HSPA14: variants seen among roughly 807,000 people sequenced by gnomAD.
The protein encoded by HSPA14 is heat shock 70 kDa protein 14.
In HSPA14, 37 loss-of-function variants were observed where a neutral mutation model predicts 65.5. The observed-to-expected ratio is 0.56, with a 90% CI of 0.43 to 0.74. HSPA14 has a LOEUF of 0.74. Among genes scored for constraint, HSPA14 ranks in the 30% least tolerant of loss-of-function variants. The probability of loss-of-function intolerance (pLI) is 0.00; values close to 1 mark genes in which losing one functional copy is unlikely to be tolerated. For synonymous variants in HSPA14, 203 were observed against 214.2 expected, an observed-to-expected ratio of 0.95 and a Z score of 0.46; for missense variants, 564 against 607.6, an observed-to-expected ratio of 0.93 and a Z score of 0.75.
chr10:14,855,501 G>T (rs972407055), intron 9 of HSPA14, among the ~76,000 whole-genome samples: 4 of 152,278 alleles, frequency 2.6e-5, no homozygotes, highest in South Asian at 4.1e-4. Flanking sequence ...TAGGTTTATT[G>T]TTGGGAATGC....
At chr10:14,864,131 T>C (rs888591258) in intron 10 of HSPA14, among the ~76,000 whole-genome samples, 1 of 151,036 alleles carries the variant, frequency 6.6e-6, no homozygotes, top group African/African-American at 2.4e-5. Context: ...AGCAGGAGGA[T>C]CACTGGAGCA....
At position 14,849,644 on chromosome 10, in the gene HSPA14, C is replaced by T. The variant is rs566814428; in HGVS notation, c.377-77C>T. 10 of 1,157,634 alleles carry T rather than the reference C, an allele frequency of 8.6e-6. No homozygotes were observed. In the South Asian group the frequency reaches 1.3e-4, roughly 15 times the overall value. 71.7% of individuals were successfully genotyped at this position (1,157,634 alleles called of 1,614,324 possible). A position where few individuals can be genotyped will look rare whatever the true frequency, so the allele number is the denominator to read the frequency against. On this transcript the variant is annotated intron_variant, in intron 5 of 13. Transcript: ENST00000378372. Reference sequence around the variant, plus strand: ...GAAATATGTTAAGTGAGATCTTTGTCATAAATTAATAAACCTCAGAAAGTA... The same window carrying T: ...GAAATATGTTAAGTGAGATCTTTGTTATAAATTAATAAACCTCAGAAAGTA...
Position 14,842,886 on chromosome 10 carries a change from TTGTGGCTCTAAACATTTAGC to T in HSPA14, c.221+2734_221+2753del. ...TGTGAAGGAGTTGGGTCCCAGAGTC[TTGTGGCTCTAAACATTTAGC>T]TGTGTCTGTTTGGATAGTGTCCTCT... On this transcript the variant is annotated intron_variant, in intron 3 of 13. Coordinates refer to ENST00000378372, the MANE Select transcript of HSPA14 (RefSeq NM_016299.4). This position sits in a 1 kb window ranked among gnomAD's most constrained non-coding sequence, Gnocchi z 5.2. 5 of 1,362,108 alleles carry T rather than the reference TTGTGGCTCTAAACATTTAGC, an allele frequency of 3.7e-6. No homozygotes were observed. The South Asian group carries it at 6.9e-5, about 19-fold the overall frequency. 84.4% of individuals were successfully genotyped at this position (1,362,108 alleles called of 1,614,324 possible). A position where few individuals can be genotyped will look rare whatever the true frequency, so the allele number is the denominator to read the frequency against.
chr10:14,864,595 C>G (rs1258495761), intron 10 of HSPA14, among the ~76,000 whole-genome samples: 8 of 150,548 alleles, frequency 5.3e-5, no homozygotes. Flanking sequence ...GGTTTTTTGT[C>G]CTTGCGATAG....
intron 10 of HSPA14, among the ~76,000 whole-genome samples, chr10:14,861,489 T>C (rs1306292126): frequency 6.6e-6 from 1 of 152,052 alleles, no homozygotes; most frequent in Non-Finnish European, 1.5e-5. Flanking sequence ...TTTTGTATTT[T>C]TTGTAGAGAT....
chr10:14,861,239 GTGC>G (rs1832747808), intron 10 of HSPA14, among the ~76,000 whole-genome samples: 1 of 152,168 alleles, frequency 6.6e-6, no homozygotes, highest in Non-Finnish European at 1.5e-5. Context: ...GTGGTTGAGG[GTGC>G]TGGGAGAAGA....
Position 14,847,059 on chromosome 10 carries a change from CTGCTT to C in HSPA14, c.222-1543_222-1539del, listed in dbSNP as rs563560883. 1.5e-4 allele frequency: 149 copies of C among 984,852 alleles called. 1 individual carries two copies. In the South Asian group the frequency reaches 6.2e-3, roughly 41 times the overall value. 61.0% of individuals were successfully genotyped at this position (984,852 alleles called of 1,614,324 possible). ...TGTGGTCCTTTGTTGCCTCCATTCT[CTGCTT>C]TGCTTTCTCCTCTGCTAAGGGTCTT... On this transcript the variant is annotated intron_variant, in intron 3 of 13. Transcript: ENST00000378372.
At chr10:14,849,567 G>A (rs1294294992) in intron 5 of HSPA14, 154 bp from the exon 6 acceptor site, 2 of 704,184 alleles carry the variant, frequency 2.8e-6, no homozygotes, top group East Asian at 2.8e-5. Context: ...TGATTTCAGA[G>A]CGCAGAGAAG....
At position 14,842,325 on chromosome 10, in the gene HSPA14, G is replaced by T; in HGVS notation, c.221+2168G>T. The T allele has an allele frequency of 6.5e-7, 1 of 1,536,046 alleles. No homozygotes were observed. The highest frequency in any genetic ancestry group is 8.7e-7 in the Non-Finnish European group (1 of 1,146,894). On this transcript the variant is annotated intron_variant, in intron 3 of 13. Coordinates refer to ENST00000378372, the MANE Select transcript of HSPA14 (RefSeq NM_016299.4). The surrounding 1 kb of genome is among the most constrained non-coding windows in gnomAD (Gnocchi z 5.2). ...AGCAGTGCGGGCATCCGGTGGTCCA[G>T]ACAGGAGACACGAACTCTTCTCTCC...
At chr10:14,870,531 AATTGATAC>A in intron 12 of HSPA14, 58 bp from the exon 13 acceptor site, 3 of 1,516,048 alleles carry the variant, frequency 2.0e-6, no homozygotes, top group Non-Finnish European at 2.7e-6. Context: ...CCTTTGCAAT[AATTGATAC>A]ATCAGTTCAT....
chr10:14,864,232 GA>G (rs1228351277), intron 10 of HSPA14, among the ~76,000 whole-genome samples: 4,594 of 102,638 alleles, frequency 0.045, 261 homozygotes, highest in African/African-American at 0.15. Flanking sequence ...TCTGTCTCCG[GA>G]AAAAAAAAAA....
In HSPA14 at chr10:14,867,136, A is replaced by C; in HGVS notation, c.1047A>C (p.Lys349Asn). The change falls in exon 11 of 14, where the codon AAA (lysine) becomes AAC (asparagine). Residue 349 changes from lysine (K) to asparagine (N), a missense_variant. Coordinates refer to ENST00000378372, the MANE Select transcript of HSPA14 (RefSeq NM_016299.4). ...TCCCAAAGCTACAGCAACTGATTAAAGATCTTTTCCCAGCTGTTGAGCTTC... is the reference window on the plus strand; with the variant it reads ...TCCCAAAGCTACAGCAACTGATTAACGATCTTTTCCCAGCTGTTGAGCTTC... ...SRIPKLQQLI[K>N]DLFPAVELLN... is the part of the protein sequence containing the mutation. 1 of 1,613,832 alleles carries C rather than the reference A, an allele frequency of 6.2e-7. No homozygotes were observed. The highest frequency in any genetic ancestry group is 8.5e-7 in the Non-Finnish European group (1 of 1,179,824).
chr10:14,852,255 T>G, intron 7 of HSPA14, 115 bp from the exon 8 acceptor site: 8 of 825,584 alleles, frequency 9.7e-6, no homozygotes, highest in Non-Finnish European at 1.5e-5. Flanking sequence ...GTTATTCACC[T>G]GAGATTTTCT....
chr10:14,849,898 A>G, intron 6 of HSPA14, 87 bp downstream of exon 6: 2 of 744,500 alleles, frequency 2.7e-6, no homozygotes, highest in South Asian at 3.4e-5. Flanking sequence ...ATTTTAAAGT[A>G]CCTTAGGCGA....
chr10:14,869,434 C>A (rs923606616), intron 12 of HSPA14, among the ~76,000 whole-genome samples: 1 of 151,748 alleles, frequency 6.6e-6, no homozygotes, highest in African/African-American at 2.4e-5. Flanking sequence ...GTAGCTGGGA[C>A]TACAGGCATG....
Position 14,844,635 on chromosome 10 carries a change from A to G in HSPA14, c.222-3974A>G, listed in dbSNP as rs1196623578. The G allele has an allele frequency of 5.1e-6, 5 of 984,916 alleles. No individual in the cohort carries two copies. In the African/African-American group the frequency reaches 8.7e-5, roughly 17 times the overall value. 61.0% of individuals were successfully genotyped at this position (984,916 alleles called of 1,614,324 possible). A position where few individuals can be genotyped will look rare whatever the true frequency, so the allele number is the denominator to read the frequency against. ...CTTAGTCTCCTATCAATATAAGGAA[A>G]TAAGAAGTGCCAGGGAGCCGCCATT... On this transcript the variant is annotated intron_variant, in intron 3 of 13. Coordinates refer to ENST00000378372, the MANE Select transcript of HSPA14 (RefSeq NM_016299.4).
Position 14,867,848 on chromosome 10 carries a change from G to C in HSPA14, c.1319G>C (p.Cys440Ser), listed in dbSNP as rs1027944219. Residue 440 changes from cysteine to serine, a missense_variant, in exon 12 of 14, where the codon TGC (cysteine) becomes TCC (serine). Coordinates refer to ENST00000378372, the MANE Select transcript of HSPA14 (RefSeq NM_016299.4). ...GCCCCTGGAAGCATATCTTCAGTGT[G>C]CCTTGAACTCTATGAGTCTGATGGG... ...LQAPGSISSV[C>S]LELYESDGKN... 2.5e-6 allele frequency: 4 copies of C among 1,614,010 alleles called. No individual in the cohort carries two copies. The Admixed American group carries it at 6.7e-5, about 27-fold the overall frequency.
At chr10:14,862,281 GC>G (rs1832756850) in intron 10 of HSPA14, among the ~76,000 whole-genome samples, 1 of 151,518 alleles carries the variant, frequency 6.6e-6, no homozygotes, top group East Asian at 2.0e-4. Flanking sequence ...GCCTGCCTCG[GC>G]CTCCCAAAGT....
chr10:14,840,204 C>T (rs1322481376), intron 3 of HSPA14, 47 bp downstream of exon 3: 1 of 945,036 alleles, frequency 1.1e-6, no homozygotes, highest in Non-Finnish European at 1.5e-6. Context: ...GGAACATGTT[C>T]ATAAATTCTA....
Sources: allele counts gnomAD v4.1 joint callset (sites outside exome capture counted in the v4.1 genomes callset), GRCh38; gene constraint gnomAD v4.1.1; non-coding constraint Gnocchi (gnomAD v3.1); transcripts MANE v1.5; gene names NCBI Gene and HGNC (gene_info 2026-07-23, HGNC 2026-07-21).